Variants in LMBRD1 observed in about 807,000 individuals in gnomAD.
The protein encoded by LMBRD1 is lysosomal cobalamin transport escort protein LMBD1.
Under a neutral mutation model 74.8 loss-of-function variants are expected in LMBRD1, and 64 were observed. The observed-to-expected ratio is 0.86, with a 90% CI of 0.70 to 1.05. The LOEUF (loss-of-function observed/expected upper bound fraction) is 1.05, where lower values mean the gene tolerates loss of function less well. LMBRD1 is among the 50% of genes least tolerant of loss of function. The pLI, the probability that LMBRD1 is intolerant of heterozygous loss-of-function variation, is 0.00. For synonymous variants in LMBRD1, 204 were observed against 216.3 expected (o/e 0.94, Z 0.50); for missense variants, 652 against 645.9 (o/e 1.01, Z -0.10).
chr6:69,704,952 T>G (rs1840940), intron 9 of LMBRD1, among the ~76,000 whole-genome samples: 95,187 of 146,502 alleles, frequency 0.65, 31,733 homozygotes, highest in African/African-American at 0.79. Flanking sequence ...TTCAGGCTAT[T>G]AATTTCTCTT....
intron 14 of LMBRD1, among the ~76,000 whole-genome samples, chr6:69,692,826 T>C (rs560164268): frequency 6.6e-6 from 1 of 152,094 alleles, no homozygotes; most frequent in Admixed American, 6.5e-5. Context: ...TTTATTTTCC[T>C]ATCCAAGTCC....
chr6:69,678,830 CT>C (rs1231741208), intron 14 of LMBRD1, among the ~76,000 whole-genome samples: 2 of 151,926 alleles, frequency 1.3e-5, no homozygotes, highest in Non-Finnish European at 2.9e-5. Flanking sequence ...TCTAATAACA[CT>C]TTTTTTGTTC....
intron 2 of LMBRD1, among the ~76,000 whole-genome samples, chr6:69,783,427 C>T (rs1388201137): frequency 6.6e-6 from 1 of 152,212 alleles, no homozygotes; most frequent in East Asian, 1.9e-4. Flanking sequence ...GGCTGCAGTG[C>T]AGTGGCATGA....
chr6:69,705,935 G>A lies in LMBRD1; in HGVS notation c.916-3982C>T. 3.3e-6 allele frequency: 4 copies of A among 1,196,272 alleles called. No individual in the cohort carries two copies. In the Admixed American group the frequency reaches 5.1e-5, roughly 15 times the overall value. 74.1% of individuals were successfully genotyped at this position (1,196,272 alleles called of 1,614,324 possible). A position where few individuals can be genotyped will look rare whatever the true frequency, so the allele number is the denominator to read the frequency against. ...TGTACAGACATTTTCAAAGTTGCCA[G>A]TGTTACTTTAATTGGACTGCCTTTG... On this transcript the variant is annotated intron_variant, in intron 9 of 15. Coordinates refer to ENST00000649934, the MANE Select transcript of LMBRD1 (RefSeq NM_018368.4).
chr6:69,735,480 G>A (rs1270297060), intron 7 of LMBRD1, among the ~76,000 whole-genome samples: 2 of 151,374 alleles, frequency 1.3e-5, no homozygotes, highest in Non-Finnish European at 2.9e-5. Flanking sequence ...AGGACCTGCT[G>A]TATTCTAGAA....
chr6:69,729,959 C>CT (rs575987786), intron 7 of LMBRD1, among the ~76,000 whole-genome samples: 2 of 149,870 alleles, frequency 1.3e-5, no homozygotes, highest in South Asian at 2.1e-4. Flanking sequence ...TCACTTCAGA[C>CT]TTTTTTTTTA....
At position 69,741,850 on chromosome 6, in the gene LMBRD1, A is replaced by C; in HGVS notation, c.501T>G (p.Asn167Lys). 6.2e-7 allele frequency: 1 copy of C among 1,603,284 alleles called. No individual in the cohort carries two copies. Among genetic ancestry groups the C allele is most frequent in the Non-Finnish European group, 8.5e-7 (1 of 1,170,270 alleles). ...TTTCCCACTCTGTAGAATTTTTGTT[A>C]TTGGGAACATTCAATGGAACAAAGG... ...VGAFVPLNVP[N>K]NKNSTEWEKV... The change falls in exon 6 of 16, where the codon AAT becomes AAG. Residue 167 changes from asparagine to lysine, a missense_variant. By Grantham distance (94) the Asn-to-Lys change is moderately conservative. Transcript: ENST00000649934.
At chr6:69,706,015 A>C in intron 9 of LMBRD1, 1 of 775,108 alleles carries the variant, frequency 1.3e-6, no homozygotes, top group Non-Finnish European at 2.3e-6. Flanking sequence ...ATCAGCCCCT[A>C]AACTGACCGT....
intron 5 of LMBRD1, chr6:69,746,617 AAAG>A (rs2149874361): frequency 6.5e-6 from 1 of 152,688 alleles, no homozygotes; most frequent in East Asian, 1.9e-4. Flanking sequence ...ATGATGACAT[AAAG>A]AAGATGGTAA....
At chr6:69,739,600 CA>C (rs1173725311) in intron 6 of LMBRD1, among the ~76,000 whole-genome samples, 1 of 151,778 alleles carries the variant, frequency 6.6e-6, no homozygotes, top group Admixed American at 6.6e-5. Context: ...TTACAATATT[CA>C]AAAAAAGTAA....
chr6:69,781,850 C>A (rs2149893772), intron 2 of LMBRD1, among the ~76,000 whole-genome samples: 1 of 152,126 alleles, frequency 6.6e-6, no homozygotes, highest in African/African-American at 2.4e-5. Context: ...ATATATATCA[C>A]CAATCAAAAT....
At position 69,674,977 on chromosome 6, in the gene LMBRD1, A is replaced by G. The variant is rs893102627; in HGVS notation, c.*1181T>C. Among the ~76,000 whole-genome samples the G allele has an allele frequency of 1.3e-5, 2 of 152,170 alleles. No homozygotes were observed. The highest frequency in any genetic ancestry group is 4.8e-5 in the African/African-American group (2 of 41,434). Reference sequence around the variant, plus strand: ...GACAAGAGTGAAACTCCATCTTAAAAAAAAAGAAAAAAGAAAATGTAAAAT... The same window carrying G: ...GACAAGAGTGAAACTCCATCTTAAAGAAAAAGAAAAAAGAAAATGTAAAAT... On this transcript the variant is annotated 3_prime_UTR_variant, in exon 16 of 16. Coordinates refer to ENST00000649934, the MANE Select transcript of LMBRD1 (RefSeq NM_018368.4).
chr6:69,740,074 C>T (rs551270506), intron 6 of LMBRD1, among the ~76,000 whole-genome samples: 3 of 152,164 alleles, frequency 2.0e-5, no homozygotes, highest in African/African-American at 7.2e-5. Context: ...CCACTGCACT[C>T]TAGCCGGGGT....
intron 7 of LMBRD1, among the ~76,000 whole-genome samples, chr6:69,730,071 T>C (rs1271468001): frequency 6.6e-6 from 1 of 152,008 alleles, no homozygotes; most frequent in Non-Finnish European, 1.5e-5. Flanking sequence ...CTAAAGAGAT[T>C]GTATAGTTTA....
At chr6:69,709,452 C>T (rs190656307) in intron 9 of LMBRD1, among the ~76,000 whole-genome samples, 1 of 152,256 alleles carries the variant, frequency 6.6e-6, no homozygotes, top group East Asian at 1.9e-4. Context: ...GCCTATTACC[C>T]TATTCCTAAC....
rs181027923 is a variant in LMBRD1, at chr6:69,745,306, C to T, written c.474-3429G>A. Among the ~76,000 whole-genome samples the T allele has an allele frequency of 7.1e-3, 1,028 of 144,580 alleles. 21 individuals are homozygous for T. In the East Asian group the frequency reaches 0.08, roughly 11 times the overall value. 94.9% of individuals were successfully genotyped at this position (144,580 alleles called of 152,430 possible). A position where few individuals can be genotyped will look rare whatever the true frequency, so the allele number is the denominator to read the frequency against. On this transcript the variant is annotated intron_variant, in intron 5 of 15. Transcript: ENST00000649934. The stretch of plus-strand genomic sequence containing the variant: ...TCGCTCTGTCGCCCAGGTCGGACTG[C>T]GGACTGCAGTGGCGCAATCTCGGCT...
chr6:69,791,563 C>G (rs1411693187), intron 1 of LMBRD1, among the ~76,000 whole-genome samples: 1 of 152,184 alleles, frequency 6.6e-6, no homozygotes, highest in African/African-American at 2.4e-5. Flanking sequence ...TAAATAAGAG[C>G]TCTGGTAGTT....
At chr6:69,771,776 ACT>A (rs1405495480) in intron 3 of LMBRD1, among the ~76,000 whole-genome samples, 1 of 151,950 alleles carries the variant, frequency 6.6e-6, no homozygotes, top group Admixed American at 6.6e-5. Context: ...TTAAAGAATC[ACT>A]CTGACTGCTA....
At chr6:69,686,802 A>G (rs1230097683) in intron 14 of LMBRD1, among the ~76,000 whole-genome samples, 1 of 152,206 alleles carries the variant, frequency 6.6e-6, no homozygotes, top group East Asian at 1.9e-4. Context: ...CAGGTAGGCA[A>G]ACTATGGCAC....
Sources: allele counts gnomAD v4.1 joint callset (sites outside exome capture counted in the v4.1 genomes callset), GRCh38; gene constraint gnomAD v4.1.1; transcripts MANE v1.5; gene names NCBI Gene and HGNC (gene_info 2026-07-23, HGNC 2026-07-21).